Variants in FBXO16 observed in about 807,000 individuals in gnomAD.
FBXO16 encodes the protein F-box protein 16, also known as F-box only protein 16.
FBXO16 carries 31 observed loss-of-function variants against 41.0 expected under a neutral mutation model. The observed-to-expected ratio is 0.76, with a 90% confidence interval of 0.57 to 1.02. The LOEUF (loss-of-function observed/expected upper bound fraction) is 1.02. FBXO16 is among the 50% of genes least tolerant of loss of function. The pLI is 0.00. For synonymous variants in FBXO16, 133 were observed against 117.8 expected, an observed-to-expected ratio of 1.13 and a Z score of -0.84; for missense variants, 361 against 346.2, an observed-to-expected ratio of 1.04 and a Z score of -0.34.
chr8:28,465,918 T>C (rs112851609), intron 3 of FBXO16, among the ~76,000 whole-genome samples: 3,364 of 152,316 alleles, frequency 0.022, 57 homozygotes, highest in Non-Finnish European at 0.033. Flanking sequence ...GTTTGGTCTG[T>C]TGGGGCCTAG....
intron 5 of FBXO16, among the ~76,000 whole-genome samples, chr8:28,454,484 T>G (rs1361308280): frequency 6.6e-6 from 1 of 151,454 alleles, no homozygotes; most frequent in East Asian, 1.9e-4. Context: ...ATCCCAGCAC[T>G]TTGGGAGGCC....
intron 3 of FBXO16, among the ~76,000 whole-genome samples, chr8:28,466,063 A>G (rs1024143496): frequency 3.3e-5 from 5 of 152,018 alleles, no homozygotes; most frequent in African/African-American, 1.2e-4. Context: ...AACATGGAGA[A>G]ACCCCGTCTC....
chr8:28,451,076 C>T (rs549809118), intron 6 of FBXO16, among the ~76,000 whole-genome samples: 27 of 152,238 alleles, frequency 1.8e-4, no homozygotes, highest in East Asian at 1.5e-3. Context: ...AACATTTAAG[C>T]GAGAAAGAGG....
intron 8 of FBXO16, among the ~76,000 whole-genome samples, 172 bp from the exon 9 acceptor site, chr8:28,428,908 T>C (rs1282191038): frequency 6.6e-6 from 1 of 152,212 alleles, no homozygotes; most frequent in African/African-American, 2.4e-5. Context: ...ATCTTCACCC[T>C]GAGCTACAGA....
At chr8:28,481,564 C>T (rs1803513081) in intron 2 of FBXO16, among the ~76,000 whole-genome samples, 1 of 151,572 alleles carries the variant, frequency 6.6e-6, no homozygotes, top group African/African-American at 2.4e-5. Context: ...GTAATCCCAG[C>T]ACTTTGGAAG....
chr8:28,471,653 G>A (rs1803336535), intron 3 of FBXO16, among the ~76,000 whole-genome samples: 1 of 151,892 alleles, frequency 6.6e-6, no homozygotes, highest in South Asian at 2.1e-4. Flanking sequence ...AAGTTTGTTT[G>A]GGGAAAGGAG....
chr8:28,432,485 A>C (rs951051756), intron 7 of FBXO16, among the ~76,000 whole-genome samples: 13 of 151,954 alleles, frequency 8.6e-5, no homozygotes, highest in African/African-American at 3.1e-4. Flanking sequence ...AAACAAAACA[A>C]AACAAAACAA....
In FBXO16 at chr8:28,444,481, CT is replaced by C. The variant is rs1206057786; in HGVS notation, c.843+2689del. On this transcript the variant is annotated intron_variant, in intron 7 of 8. Transcript: ENST00000380254. ...ACATGCCCGGCTAATTTTTTCTTTT[CT>C]TTTTTTTTTTTTTTTGAGACGGAGT... is the stretch of plus-strand genomic sequence containing the variant. Among the ~76,000 whole-genome samples, 238 of 106,754 alleles carry C rather than the reference CT, an allele frequency of 2.2e-3. No individual in the cohort carries two copies. In the South Asian group the frequency reaches 0.027, roughly 12 times the overall value. The allele number at this position is 106,754 out of a possible 152,430, so 70.0% of individuals were successfully genotyped here. A position where few individuals can be genotyped will look rare whatever the true frequency, so the allele number is the denominator to read the frequency against.
At chr8:28,434,455 T>G (rs73574605) in intron 7 of FBXO16, among the ~76,000 whole-genome samples, 1 of 152,206 alleles carries the variant, frequency 6.6e-6, no homozygotes, top group Non-Finnish European at 1.5e-5. Context: ...CCAGTCCTTC[T>G]TCTAGGAATA....
At chr8:28,448,365 G>GA (rs1802900484) in intron 6 of FBXO16, among the ~76,000 whole-genome samples, 2 of 138,850 alleles carry the variant, frequency 1.4e-5, no homozygotes, top group Admixed American at 1.4e-4. Context: ...AAAAAAGAAA[G>GA]AAAGAAAGAA....
At chr8:28,482,008 T>C (rs987479498) in intron 2 of FBXO16, among the ~76,000 whole-genome samples, 1 of 152,128 alleles carries the variant, frequency 6.6e-6, no homozygotes, top group African/African-American at 2.4e-5. Flanking sequence ...TGCAAACCAC[T>C]GTTACGTGTA....
intron 7 of FBXO16, among the ~76,000 whole-genome samples, chr8:28,435,454 G>GC (rs2130081247): frequency 6.6e-6 from 1 of 152,226 alleles, no homozygotes; most frequent in Admixed American, 6.5e-5. Context: ...GGTTATAGGT[G>GC]TGAGCCACCG....
chr8:28,433,920 C>T (rs1335778499), intron 7 of FBXO16, among the ~76,000 whole-genome samples: 1 of 150,760 alleles, frequency 6.6e-6, no homozygotes, highest in Non-Finnish European at 1.5e-5. Flanking sequence ...CCTGTATATA[C>T]CAGCTTGTCT....
intron 7 of FBXO16, chr8:28,446,899 TATATC>T (rs1802872965): frequency 1.2e-5 from 3 of 249,876 alleles, no homozygotes; most frequent in South Asian, 1.6e-4. Context: ...AAACTCCCCT[TATATC>T]ATACAGTTTT....
rs1803549665 is a variant in FBXO16, at chr8:28,483,480, A to C, written c.-16-18T>G. 1 of 1,554,622 alleles carries C rather than the reference A, an allele frequency of 6.4e-7. No homozygotes were observed. The highest frequency in any genetic ancestry group is 8.9e-7 in the Non-Finnish European group (1 of 1,128,352). On this transcript the variant is annotated intron_variant, in intron 1 of 8. Transcript: ENST00000380254. The stretch of plus-strand genomic sequence containing the variant: ...TGGATATCCTTCCATAAGAAAAACA[A>C]CACCTATCAGAAGAAGTGAATCATA...
chr8:28,463,354 G>T (rs1803173530), intron 4 of FBXO16, among the ~76,000 whole-genome samples: 1 of 148,522 alleles, frequency 6.7e-6, no homozygotes, highest in South Asian at 2.2e-4. Context: ...ATTTGTGTTT[G>T]TGTATATGTG....
intron 5 of FBXO16, among the ~76,000 whole-genome samples, chr8:28,455,081 A>ATTT (rs111415524): frequency 6.2e-5 from 9 of 144,506 alleles, no homozygotes; most frequent in African/African-American, 2.3e-4. Context: ...AATTACATTG[A>ATTT]TTTTTTTTTT....
rs1803044577 is a variant in FBXO16, at chr8:28,456,755, C to T, written c.507+11G>A. 5 of 1,612,094 alleles carry T rather than the reference C, an allele frequency of 3.1e-6. No homozygotes were observed. Among genetic ancestry groups the T allele is most frequent in the African/African-American group, 1.3e-5 (1 of 74,842 alleles). Reference sequence around the variant, plus strand: ...TGTTTGCAAGCTTGTGGCTTTCTGTCTAAAATTCACCTTAGGCTTGGTAAT... The same window carrying T: ...TGTTTGCAAGCTTGTGGCTTTCTGTTTAAAATTCACCTTAGGCTTGGTAAT... On this transcript the variant is annotated intron_variant, in intron 5 of 8. Transcript: ENST00000380254.
At chr8:28,438,525 C>T (rs1260272530) in intron 7 of FBXO16, among the ~76,000 whole-genome samples, 1 of 152,160 alleles carries the variant, frequency 6.6e-6, no homozygotes, top group East Asian at 1.9e-4. Context: ...TCAGATTTCT[C>T]TCATCTTTCC....
Sources: allele counts gnomAD v4.1 joint callset (sites outside exome capture counted in the v4.1 genomes callset), GRCh38; gene constraint gnomAD v4.1.1; transcripts MANE v1.5; gene names NCBI Gene and HGNC (gene_info 2026-07-23, HGNC 2026-07-21).